The following SARS1 variants were observed in gnomAD, a reference collection of about 807,000 sequenced individuals.
The protein encoded by SARS1 is serine--tRNA ligase, cytoplasmic.
A neutral mutation model predicts 63.7 loss-of-function variants in SARS1; 25 were observed. That is an observed-to-expected ratio of 0.39 (90% CI 0.29 to 0.55). SARS1 has a LOEUF of 0.55. Ranked by LOEUF, SARS1 falls within the 20% of genes least tolerant of loss-of-function variation. SARS1 has a pLI of 0.62. For synonymous variants in SARS1, 231 were observed against 243.5 expected (o/e 0.95, Z 0.48); for missense variants, 417 against 649.7 (o/e 0.64, Z 3.89).
intron 2 of SARS1, among the ~76,000 whole-genome samples, chr1:109,225,318 T>C (rs971464486): frequency 6.6e-6 from 1 of 152,194 alleles, no homozygotes; most frequent in Non-Finnish European, 1.5e-5. Context: ...TTTGTTACAC[T>C]TTCAGCGTGT....
At position 109,237,935 on chromosome 1, in the gene SARS1, G is replaced by T; in HGVS notation, c.*47G>T. The T allele has an allele frequency of 6.2e-7, 1 of 1,603,004 alleles. No homozygotes were observed. Among genetic ancestry groups the T allele is most frequent in the Non-Finnish European group, 8.5e-7 (1 of 1,173,502 alleles). On this transcript the variant is annotated 3_prime_UTR_variant, in exon 11 of 11. Coordinates refer to ENST00000234677, the MANE Select transcript of SARS1 (RefSeq NM_006513.4). The surrounding 1 kb of genome is among the most constrained non-coding windows in gnomAD (Gnocchi z 4.1). ...CCAGGCTTTCATTTCTGTCTGCTGA[G>T]ATCTCAGAGCCTGCCCAACAGCAGG...
At chr1:109,229,904 C>T (rs1453395718) in intron 4 of SARS1, among the ~76,000 whole-genome samples, 6 of 152,226 alleles carry the variant, frequency 3.9e-5, no homozygotes, top group Non-Finnish European at 8.8e-5. Context: ...TGCTGAGAAG[C>T]TGCAGGTTGA....
intron 2 of SARS1, among the ~76,000 whole-genome samples, chr1:109,227,917 C>CAAAAAAAAAAAAAAAAAAAAAAAAA (rs5776968): frequency 8.2e-6 from 1 of 121,888 alleles, no homozygotes; most frequent in Non-Finnish European, 1.7e-5. Context: ...GAGACTCCGT[C>CAAAAAAAAAAAAAAAAAAAAAAAAA]AAAAAAAAAA....
rs778926611 is a variant in SARS1, at chr1:109,229,608, G to A, written c.447+36G>A. 2.5e-6 allele frequency: 4 copies of A among 1,595,998 alleles called. No homozygotes were observed. In the South Asian group the frequency reaches 3.4e-5, roughly 13 times the overall value. Reference sequence around the variant, plus strand: ...GTGCCGCAGCAGGAGGCTGCCTTAGGTCGCTGCTGTCTCTGCAGGGGCGGG... The same window carrying A: ...GTGCCGCAGCAGGAGGCTGCCTTAGATCGCTGCTGTCTCTGCAGGGGCGGG... On this transcript the variant is annotated intron_variant, in intron 4 of 10. Coordinates refer to ENST00000234677, the MANE Select transcript of SARS1 (RefSeq NM_006513.4).
chr1:109,230,789 CG>C, intron 4 of SARS1, 88 bp from the exon 5 acceptor site: 2 of 1,208,892 alleles, frequency 1.7e-6, no homozygotes, highest in Non-Finnish European at 2.3e-6. Flanking sequence ...TGGATGACGG[CG>C]TAAGACCCTG....
chr1:109,234,981 A>G (rs565931366), intron 6 of SARS1, among the ~76,000 whole-genome samples: 2 of 152,318 alleles, frequency 1.3e-5, no homozygotes, highest in South Asian at 2.1e-4. Context: ...CAAAAAAAAG[A>G]TAAGTGGAAA....
chr1:109,231,075 A>G, intron 5 of SARS1, 54 bp downstream of exon 5: 1 of 992,842 alleles, frequency 1.0e-6, no homozygotes, highest in Non-Finnish European at 1.3e-6. Flanking sequence ...CAAAATATAT[A>G]TATATATATT....
intron 1 of SARS1, among the ~76,000 whole-genome samples, chr1:109,223,007 CCT>C (rs1229175793): frequency 6.6e-6 from 1 of 152,010 alleles, no homozygotes; most frequent in East Asian, 1.9e-4. Flanking sequence ...AGAGTGAGAC[CCT>C]GTCTCAACAA....
In SARS1 at chr1:109,229,514, A is replaced by C. The variant is rs543622937; in HGVS notation, c.389A>C (p.Glu130Ala). Residue 130 changes from glutamate to alanine, a missense_variant, in exon 4 of 11, where the codon GAG (glutamate) becomes GCG (alanine). Glu to Ala is a moderately radical substitution (Grantham distance 107). Around this residue, in one of 3 missense-constraint regions of SARS1, gnomAD observed 359 missense variants for 529.6 expected, o/e 0.68. Coordinates refer to ENST00000234677, the MANE Select transcript of SARS1 (RefSeq NM_006513.4). ...ATAAAGTTGGAAGCAGAGCGGTTTG[A>C]GAACCTCCGAGAGATTGGGAACCTT... ...ERIKLEAERFENLREIGNLLH... is the reference protein window; with the variant it reads ...ERIKLEAERFANLREIGNLLH... 1.2e-6 allele frequency: 2 copies of C among 1,614,216 alleles called. No homozygotes were observed. The highest frequency in any genetic ancestry group is 2.2e-5 in the South Asian group (2 of 91,076).
In SARS1 at chr1:109,236,695, C is replaced by A. The variant is rs896317212; in HGVS notation, c.1257+147C>A. ...AGACCAAAAAGGGAATCTGAAAATG[C>A]CTTCTACTGAGTCAGGACTGAGTTC... On this transcript the variant is annotated intron_variant, in intron 9 of 10. Coordinates refer to ENST00000234677, the MANE Select transcript of SARS1 (RefSeq NM_006513.4). The A allele has an allele frequency of 2.8e-5, 42 of 1,485,230 alleles. No individual in the cohort carries two copies. The South Asian group carries it at 5.3e-4, about 19-fold the overall frequency. 92.0% of individuals were successfully genotyped at this position (1,485,230 alleles called of 1,614,324 possible). A position where few individuals can be genotyped will look rare whatever the true frequency, so the allele number is the denominator to read the frequency against.
chr1:109,215,612 C>G, intron 1 of SARS1: 1 of 981,090 alleles, frequency 1.0e-6, no homozygotes, highest in Non-Finnish European at 1.2e-6. Flanking sequence ...GTCTTCAGGG[C>G]ACTTTATATT....
rs143855092 is a variant in SARS1 at position 109,220,023 on chromosome 1, A to G, written c.137-3955A>G. Among the ~76,000 whole-genome samples, 596 of 152,212 alleles carry G rather than the reference A, an allele frequency of 3.9e-3. 7 individuals carry two copies. The highest frequency in any genetic ancestry group is 0.036 in the South Asian group (176 of 4,828). ...AGCTTCTAGAGACTCTTTTTTAAAA[A>G]ATGTTTGATTGGCAATTAACAGATT... is the stretch of plus-strand genomic sequence containing the variant. On this transcript the variant is annotated intron_variant, in intron 1 of 10. Transcript: ENST00000234677.
At chr1:109,216,951 C>T in intron 1 of SARS1, 1 of 985,420 alleles carries the variant, frequency 1.0e-6, no homozygotes, top group Non-Finnish European at 1.2e-6. Flanking sequence ...ATAACCTTTA[C>T]TGCACATGTT....
Position 109,228,452 on chromosome 1 carries a change from T to G in SARS1, c.288+20T>G, listed in dbSNP as rs1655138393. ...TTAGCTGTAAGTTATAGTTCTTTTC[T>G]AAGTTAGGATCTCTGCTATTTTGTC... On this transcript the variant is annotated intron_variant, in intron 3 of 10. Coordinates refer to ENST00000234677, the MANE Select transcript of SARS1 (RefSeq NM_006513.4). 6.6e-7 allele frequency: 1 copy of G among 1,519,532 alleles called. No homozygotes were observed. Among genetic ancestry groups the G allele is most frequent in the African/African-American group, 1.4e-5 (1 of 73,252 alleles). 94.1% of individuals were successfully genotyped at this position (1,519,532 alleles called of 1,614,324 possible). A position where few individuals can be genotyped will look rare whatever the true frequency, so the allele number is the denominator to read the frequency against.
chr1:109,237,371 C>G lies in SARS1; in HGVS notation c.1385C>G (p.Pro462Arg), dbSNP rs949124777. The G allele has an allele frequency of 2.2e-5, 36 of 1,614,212 alleles. No homozygotes were observed. The highest frequency in any genetic ancestry group is 2.9e-5 in the Non-Finnish European group (34 of 1,180,030). Reference protein sequence around the residue: ...VPEKLKEFMPPGLQELIPFVK... With the variant: ...VPEKLKEFMPRGLQELIPFVK... ...GAGAAATTGAAGGAGTTCATGCCGC[C>G]AGGTAAAACTCCCAGCTCATCTCAT... is the stretch of plus-strand genomic sequence containing the variant. The change falls in exon 10 of 11, where the codon CCA (proline) becomes CGA (arginine). Residue 462 changes from proline to arginine, a missense_variant and splice_region_variant. By Grantham distance (103) the Pro-to-Arg change is moderately radical. Around this residue, in one of 3 missense-constraint regions of SARS1, gnomAD observed 43 missense variants for 68.1 expected, o/e 0.63. Transcript: ENST00000234677. The surrounding 1 kb of genome is among the most constrained non-coding windows in gnomAD (Gnocchi z 4.1).
At chr1:109,231,131 C>T (rs1226744267) in intron 5 of SARS1, 110 bp downstream of exon 5, 9 of 635,828 alleles carry the variant, frequency 1.4e-5, no homozygotes, top group Non-Finnish European at 2.0e-5. Context: ...AAGAGGCCCA[C>T]AGATCTACCA....
At chr1:109,215,157 T>A in intron 1 of SARS1, 1 of 985,494 alleles carries the variant, frequency 1.0e-6, no homozygotes, top group Non-Finnish European at 1.2e-6. Context: ...AACTTGAGTT[T>A]TGTGCTGATT....
intron 1 of SARS1, among the ~76,000 whole-genome samples, chr1:109,219,443 A>G (rs1242191339): frequency 6.6e-6 from 1 of 150,708 alleles, no homozygotes; most frequent in African/African-American, 2.4e-5. Flanking sequence ...CTCCATCACC[A>G]TAAATTCCTT....
intron 1 of SARS1, chr1:109,216,575 G>C (rs1654793618): frequency 2.0e-6 from 2 of 984,910 alleles, no homozygotes; most frequent in African/African-American, 3.5e-5. Context: ...CCCTCAAAAA[G>C]TGCTATCCTG....
Sources: gnomAD v4.1 joint callset for allele counts (sites outside exome capture counted in the v4.1 genomes callset) on GRCh38, gnomAD v4.1.1 for gene constraint, gnomAD v4.1.1 regional missense constraint, Gnocchi (gnomAD v3.1) non-coding constraint, MANE v1.5 for transcripts, NCBI Gene and HGNC (gene_info 2026-07-23, HGNC 2026-07-21) for gene names.